GATB: variants seen among roughly 807,000 people sequenced by gnomAD.
GATB encodes the protein glutamyl-tRNA(Gln) amidotransferase subunit B, mitochondrial.
In GATB, 39 loss-of-function variants were observed where a neutral mutation model predicts 62.3. The ratio of observed to expected loss-of-function variants is 0.63; its 90% CI spans 0.48 to 0.82. GATB has a LOEUF of 0.82. Among genes scored for constraint, GATB ranks in the 40% least tolerant of loss-of-function variants. The pLI, the probability that GATB is intolerant of heterozygous loss-of-function variation, is 0.00. For missense variants in GATB, 670 were observed against 684.0 expected (o/e 0.98, Z 0.23); for synonymous variants, 276 against 258.9 (o/e 1.07, Z -0.63).
intron 2 of GATB, among the ~76,000 whole-genome samples, chr4:151,751,644 T>C (rs1739723449): frequency 6.6e-6 from 1 of 152,252 alleles, no homozygotes; most frequent in Admixed American, 6.5e-5. Context: ...ATCACAGTTT[T>C]TATTAAATCA....
intron 5 of GATB, among the ~76,000 whole-genome samples, chr4:151,712,868 G>C (rs922062450): frequency 2.0e-5 from 3 of 152,190 alleles, no homozygotes; most frequent in Non-Finnish European, 4.4e-5. Context: ...GCTTTAGTCA[G>C]AAGTCCCCAA....
chr4:151,757,953 T>C (rs1168084943), intron 2 of GATB, among the ~76,000 whole-genome samples: 1 of 152,220 alleles, frequency 6.6e-6, no homozygotes, highest in Non-Finnish European at 1.5e-5. Flanking sequence ...ATTTATTAGC[T>C]AAAACATTTA....
chr4:151,710,589 T>A (rs1433539377), intron 5 of GATB, among the ~76,000 whole-genome samples: 1 of 152,148 alleles, frequency 6.6e-6, no homozygotes, highest in Non-Finnish European at 1.5e-5. Flanking sequence ...GGCTGCCATA[T>A]CCAGCGGACA....
At chr4:151,717,230 T>C (rs371810472) in intron 3 of GATB, 156 bp from the exon 4 acceptor site, 1 of 658,256 alleles carries the variant, frequency 1.5e-6, no homozygotes, top group South Asian at 1.9e-5. Context: ...AGTTGCTGCA[T>C]TGCAGCCATC....
chr4:151,718,864 A>G (rs945419267), intron 3 of GATB, among the ~76,000 whole-genome samples: 5 of 152,236 alleles, frequency 3.3e-5, no homozygotes, highest in Non-Finnish European at 5.9e-5. Context: ...AAGCGGGTCA[A>G]TATGGAGTTT....
At chr4:151,732,370 T>C (rs936872858) in intron 2 of GATB, among the ~76,000 whole-genome samples, 5 of 152,210 alleles carry the variant, frequency 3.3e-5, no homozygotes, top group African/African-American at 9.6e-5. Context: ...TTTTGTTCTG[T>C]ACTGGGAGAG....
chr4:151,732,321 C>T (rs1739285086), intron 2 of GATB, among the ~76,000 whole-genome samples: 1 of 152,180 alleles, frequency 6.6e-6, no homozygotes, highest in Admixed American at 6.5e-5. Context: ...CAGATTGTTG[C>T]TGTGTCTGTG....
chr4:151,759,352 C>A (rs1578946940), intron 1 of GATB, among the ~76,000 whole-genome samples: 1 of 152,146 alleles, frequency 6.6e-6, no homozygotes, highest in African/African-American at 2.4e-5. Context: ...CTAGAATTAA[C>A]ATAAATGGCA....
At position 151,671,133 on chromosome 4, in the gene GATB, CTGTT is replaced by C. The variant is rs748371835; in HGVS notation, c.*37_*40del. On this transcript the variant is annotated 3_prime_UTR_variant, in exon 13 of 13. Transcript: ENST00000263985. ...GGATCCTGTTCCCAGTCAGGCTGCA[CTGTT>C]TGTTGTTGTCCCTTGGGCAAGGGGA... is the stretch of plus-strand genomic sequence containing the variant. 2 of 1,612,610 alleles carry C rather than the reference CTGTT, an allele frequency of 1.2e-6. No homozygotes were observed. The highest frequency in any genetic ancestry group is 1.7e-6 in the Non-Finnish European group (2 of 1,178,830).
rs113829752 is a variant in GATB at position 151,705,363 on chromosome 4, T to TA, written c.878-95dup. ...AAACAACCTTTCTCAATCTCTAAGT[T>TA]AAAAAAAAAAAAAATCAAGAAGATT... On this transcript the variant is annotated intron_variant, in intron 6 of 12. Transcript: ENST00000263985. 1.0e-2 allele frequency: 5,981 copies of TA among 599,416 alleles called. 1 individual carries two copies. The highest frequency in any genetic ancestry group is 0.012 in the East Asian group (389 of 32,372). 37.1% of individuals were successfully genotyped at this position (599,416 alleles called of 1,614,324 possible).
chr4:151,717,282 C>T (rs1738933683), intron 3 of GATB: 1 of 574,568 alleles, frequency 1.7e-6, no homozygotes, highest in African/African-American at 1.9e-5. Context: ...ACCCCTTCAC[C>T]CTCCCCAAAT....
At chr4:151,714,484 G>A (rs1043038623) in intron 5 of GATB, among the ~76,000 whole-genome samples, 12 of 152,330 alleles carry the variant, frequency 7.9e-5, no homozygotes, top group South Asian at 2.1e-4. Flanking sequence ...AAAGCTACTC[G>A]GCTGCTGTGT....
chr4:151,717,078 C>A lies in GATB; in HGVS notation c.442-4G>T, dbSNP rs746658970. On this transcript the variant is annotated splice_region_variant and splice_polypyrimidine_tract_variant and intron_variant, in intron 3 of 12. Coordinates refer to ENST00000263985, the MANE Select transcript of GATB (RefSeq NM_004564.3). ...GCTGGGTAATTTGGTAGCCTGCCTG[C>A]ACACAAACATAGGGTAAACATAGTC... The A allele has an allele frequency of 5.6e-6, 9 of 1,613,812 alleles. No individual in the cohort carries two copies. The highest frequency in any genetic ancestry group is 7.6e-6 in the Non-Finnish European group (9 of 1,179,770).
intron 7 of GATB, 76 bp downstream of exon 7, chr4:151,705,109 G>C: frequency 2.1e-6 from 2 of 954,322 alleles, no homozygotes; most frequent in Non-Finnish European, 3.4e-6. Flanking sequence ...AAGGTCACAT[G>C]GCTGGTCAGT....
intron 2 of GATB, among the ~76,000 whole-genome samples, chr4:151,736,443 T>TATGTAA: frequency 6.6e-6 from 1 of 152,348 alleles, no homozygotes; most frequent in East Asian, 1.9e-4. Flanking sequence ...GTTGCCTCAC[T>TATGTAA]ATGTAAATGT....
At chr4:151,750,801 T>TA (rs1739707300) in intron 2 of GATB, among the ~76,000 whole-genome samples, 1 of 150,912 alleles carries the variant, frequency 6.6e-6, no homozygotes, top group African/African-American at 2.4e-5. Flanking sequence ...CTTATTTTTG[T>TA]ATTTTTTTTT....
rs1560870380 is a variant in GATB at position 151,760,948 on chromosome 4, CCACGG to C, written c.30_34del (p.Cys10TrpfsTer10). On this transcript the variant is annotated frameshift_variant, in exon 1 of 13. Transcript: ENST00000263985. LOFTEE classifies it high-confidence loss of function. ...AACCCGGGCGAAAGCCCAACGTCTT[CCACGG>C]CAGCCCCAGCGCAGCATGGGCGCCG... 1 of 1,613,372 alleles carries C rather than the reference CCACGG, an allele frequency of 6.2e-7. No homozygotes were observed. The highest frequency in any genetic ancestry group is 1.3e-5 in the African/African-American group (1 of 75,054).
intron 11 of GATB, chr4:151,674,572 T>C (rs1412573199): frequency 6.6e-6 from 1 of 152,244 alleles, no homozygotes; most frequent in Non-Finnish European, 1.5e-5. Context: ...TGGTGTTTTT[T>C]CTTCCCATCT....
intron 10 of GATB, among the ~76,000 whole-genome samples, chr4:151,688,014 T>C (rs1185225307): frequency 4.6e-5 from 7 of 152,274 alleles, no homozygotes; most frequent in Non-Finnish European, 1.5e-5. Context: ...GCAGACACAG[T>C]TCTCCAGGTG....
Sources: allele counts gnomAD v4.1 joint callset (sites outside exome capture counted in the v4.1 genomes callset), GRCh38; gene constraint gnomAD v4.1.1; transcripts MANE v1.5; gene names NCBI Gene and HGNC (gene_info 2026-07-23, HGNC 2026-07-21).